Variants in MEGF9 observed in about 807,000 individuals in gnomAD.
MEGF9 encodes multiple EGF like domains 9, also known as multiple epidermal growth factor-like domains protein 9.
Under a neutral mutation model 46.8 loss-of-function variants are expected in MEGF9, and 6 were observed. The observed-to-expected ratio is 0.13, with a 90% CI of 0.07 to 0.25. MEGF9 has a LOEUF of 0.25. MEGF9 is among the 10% of genes least tolerant of loss of function. The pLI is 1.00. For synonymous variants in MEGF9, 302 were observed against 330.7 expected (o/e 0.91, Z 0.94); for missense variants, 683 against 792.4 (o/e 0.86, Z 1.66).
intron 2 of MEGF9, among the ~76,000 whole-genome samples, chr9:120,641,427 C>A (rs2043602486): frequency 6.6e-6 from 1 of 152,180 alleles, no homozygotes; most frequent in Non-Finnish European, 1.5e-5. Flanking sequence ...GCCTCTTTAG[C>A]TTATACAATT....
In MEGF9 at chr9:120,714,450, G is replaced by T. The variant is rs1197793426; in HGVS notation, c.-92C>A. The T allele has an allele frequency of 1.8e-6, 2 of 1,101,258 alleles. No homozygotes were observed. The highest frequency in any genetic ancestry group is 2.3e-6 in the Non-Finnish European group (2 of 872,148). 68.2% of individuals were successfully genotyped at this position (1,101,258 alleles called of 1,614,324 possible). Reference sequence around the variant, plus strand: ...ACCGCCGCCGCCACCGCCACCGGGCGCACCATCGCCACCTCCCTCTGACAG... The same window carrying T: ...ACCGCCGCCGCCACCGCCACCGGGCTCACCATCGCCACCTCCCTCTGACAG... On this transcript the variant is annotated 5_prime_UTR_variant, in exon 1 of 6. Transcript: ENST00000373930.
chr9:120,630,637 T>C (rs1026339486), intron 2 of MEGF9, among the ~76,000 whole-genome samples: 4 of 152,222 alleles, frequency 2.6e-5, no homozygotes, highest in African/African-American at 9.6e-5. Flanking sequence ...GAACAGTGTA[T>C]AAGAGTCCCC....
rs1454676412 is a variant in MEGF9 at position 120,603,038 on chromosome 9, A to C, written c.*2152T>G. 1.3e-5 allele frequency: 2 copies of C among 152,226 alleles called. No individual in the cohort carries two copies. Among genetic ancestry groups the C allele is most frequent in the African/African-American group, 4.8e-5 (2 of 41,448 alleles). The allele number at this position is 152,226 out of a possible 1,614,324, so 9.4% of individuals were successfully genotyped here. ...CTGGATTGCTCCTGATATTTAAAAA[A>C]AATTAAAAACATCCACAAGTAGAAC... On this transcript the variant is annotated 3_prime_UTR_variant, in exon 6 of 6. Coordinates refer to ENST00000373930, the MANE Select transcript of MEGF9 (RefSeq NM_001080497.3).
At chr9:120,672,964 G>C (rs192462146) in intron 1 of MEGF9, among the ~76,000 whole-genome samples, 1 of 152,022 alleles carries the variant, frequency 6.6e-6, no homozygotes, top group Non-Finnish European at 1.5e-5. Context: ...CAGAGGTTGC[G>C]GTGAACCGAG....
intron 2 of MEGF9, among the ~76,000 whole-genome samples, chr9:120,639,886 TTCC>T (rs2043594703): frequency 6.6e-6 from 1 of 152,236 alleles, no homozygotes; most frequent in Non-Finnish European, 1.5e-5. Context: ...ACTCATTTTC[TTCC>T]TAATAGATAG....
chr9:120,631,876 C>T (rs1016128933), intron 2 of MEGF9, among the ~76,000 whole-genome samples: 1 of 152,074 alleles, frequency 6.6e-6, no homozygotes, highest in Non-Finnish European at 1.5e-5. Flanking sequence ...TGGTTATTTT[C>T]ACAATATTAA....
intron 1 of MEGF9, among the ~76,000 whole-genome samples, chr9:120,692,402 C>G (rs2043852339): frequency 6.6e-6 from 1 of 152,284 alleles, no homozygotes; most frequent in South Asian, 2.1e-4. Flanking sequence ...TGTTATCTAG[C>G]ATTTAATCCA....
At chr9:120,693,875 T>C (rs2043862056) in intron 1 of MEGF9, among the ~76,000 whole-genome samples, 1 of 151,464 alleles carries the variant, frequency 6.6e-6, no homozygotes, top group African/African-American at 2.4e-5. Flanking sequence ...ATAACAGACA[T>C]CCAAGTCTTC....
chr9:120,705,553 TC>T (rs1451476516), intron 1 of MEGF9, among the ~76,000 whole-genome samples: 3 of 151,788 alleles, frequency 2.0e-5, no homozygotes, highest in Admixed American at 2.0e-4. Context: ...TTTTTTTTTT[TC>T]AATGAAGACA....
chr9:120,669,086 T>G (rs1029237864), intron 1 of MEGF9, among the ~76,000 whole-genome samples: 3 of 152,214 alleles, frequency 2.0e-5, no homozygotes, highest in Non-Finnish European at 2.9e-5. Flanking sequence ...AAATTATATA[T>G]GGCCATGTAT....
chr9:120,664,973 G>T (rs2043718650), intron 1 of MEGF9, among the ~76,000 whole-genome samples: 1 of 152,072 alleles, frequency 6.6e-6, no homozygotes, highest in Admixed American at 6.5e-5. Context: ...AGATTAAATA[G>T]CACATCCATT....
rs1587971499 is a variant in MEGF9 at position 120,608,074 on chromosome 9, A to G, written c.1088-64T>C. The stretch of plus-strand genomic sequence containing the variant: ...AAGCTACAATTAAAAATGCAAAACA[A>G]CTACTAGTCCTTAAAAAGATTTATA... On this transcript the variant is annotated intron_variant, in intron 4 of 5. Coordinates refer to ENST00000373930, the MANE Select transcript of MEGF9 (RefSeq NM_001080497.3). The G allele has an allele frequency of 1.3e-5, 20 of 1,548,286 alleles. No individual in the cohort carries two copies. The South Asian group carries it at 2.2e-4, about 17-fold the overall frequency.
chr9:120,670,809 T>C (rs80315514), intron 1 of MEGF9, among the ~76,000 whole-genome samples: 2,295 of 152,270 alleles, frequency 0.015, 57 homozygotes, highest in African/African-American at 0.052. Flanking sequence ...CCCACTCCCA[T>C]TGTCCCCCTA....
At chr9:120,708,727 C>T (rs1418736297) in intron 1 of MEGF9, among the ~76,000 whole-genome samples, 1 of 152,100 alleles carries the variant, frequency 6.6e-6, no homozygotes, top group Non-Finnish European at 1.5e-5. Context: ...AGGAACACAC[C>T]GCAGGTAAAT....
Position 120,714,193 on chromosome 9 carries a change from C to G in MEGF9, c.166G>C (p.Gly56Arg). ...CTGGGCTCGCCCCGCAACCCGGGGC[C>G]CGGCGACGCGTCCACCTGCCCCGCG... The part of the protein sequence containing the change: ...GAAGQVDASP[G>R]PGLRGEPSHP... Residue 56 changes from glycine to arginine, a missense_variant, in exon 1 of 6, where the codon GGC becomes CGC. By Grantham distance (125) the Gly-to-Arg change is moderately radical (BLOSUM62 -2). Transcript: ENST00000373930. The G allele has an allele frequency of 8.1e-7, 1 of 1,234,844 alleles. No individual in the cohort carries two copies. Among genetic ancestry groups the G allele is most frequent in the South Asian group, 4.0e-5 (1 of 24,992 alleles). 76.5% of individuals were successfully genotyped at this position (1,234,844 alleles called of 1,614,324 possible).
intron 2 of MEGF9, among the ~76,000 whole-genome samples, chr9:120,651,482 T>A (rs2043649221): frequency 6.6e-6 from 1 of 152,176 alleles, no homozygotes; most frequent in South Asian, 2.1e-4. Context: ...AACTTGCATT[T>A]TTTTTCCTGT....
chr9:120,656,027 T>C (rs891353772), intron 2 of MEGF9, among the ~76,000 whole-genome samples: 2 of 152,212 alleles, frequency 1.3e-5, no homozygotes, highest in East Asian at 1.9e-4. Flanking sequence ...TGAGAGATAA[T>C]GAATTCTAGG....
intron 1 of MEGF9, among the ~76,000 whole-genome samples, chr9:120,695,326 T>C (rs7852575): frequency 0.043 from 6,455 of 151,728 alleles, 451 homozygotes; most frequent in African/African-American, 0.15. Flanking sequence ...AATCAAAAGG[T>C]CAGGCGCGGT....
chr9:120,674,019 G>A (rs2043762148), intron 1 of MEGF9, among the ~76,000 whole-genome samples: 1 of 149,438 alleles, frequency 6.7e-6, no homozygotes, highest in Non-Finnish European at 1.5e-5. Context: ...AGCCCTAAAT[G>A]TAAAATGTAA....
Sources: gnomAD v4.1 joint callset for allele counts (sites outside exome capture counted in the v4.1 genomes callset) on GRCh38, gnomAD v4.1.1 for gene constraint, MANE v1.5 for transcripts, NCBI Gene and HGNC (gene_info 2026-07-23, HGNC 2026-07-21) for gene names.